The following NR6A1 variants were observed in gnomAD, a reference collection of about 807,000 sequenced individuals.
The protein encoded by NR6A1 is nuclear receptor subfamily 6 group A member 1, also known as retinoic acid receptor-related testis-associated receptor.
In NR6A1, 7 loss-of-function variants were observed where a neutral mutation model predicts 59.1. The observed-to-expected ratio is 0.12, with a 90% CI of 0.07 to 0.22. The LOEUF (loss-of-function observed/expected upper bound fraction) is 0.22. Ranked by LOEUF, NR6A1 falls within the 10% of genes least tolerant of loss-of-function variation. The pLI, the probability that NR6A1 is intolerant of heterozygous loss-of-function variation, is 1.00. For synonymous variants in NR6A1, 243 were observed against 236.1 expected (o/e 1.03, Z -0.27); for missense variants, 468 against 611.6 (o/e 0.77, Z 2.48).
Position 124,524,816 on chromosome 9 carries a change from T to G in NR6A1, c.1259A>C (p.Tyr420Ser), listed in dbSNP as rs1313197264. The part of the protein sequence containing the change: ...QLEQLNKRYW[Y>S]ICQDFTEYKY... ...ATATTCAGTAAAATCCTGGCAAATG[T>G]ACCAGTATCGTTTATTCAATTGTTC... is the stretch of plus-strand genomic sequence containing the variant. The change falls in exon 9 of 10, where the codon TAC (tyrosine) becomes TCC (serine). Residue 420 changes from tyrosine to serine, a missense_variant. By Grantham distance (144) the Tyr-to-Ser change is moderately radical (BLOSUM62 -2). Around this residue, in one of 4 missense-constraint regions of NR6A1, gnomAD observed 176 missense variants for 264.0 expected, o/e 0.67. Coordinates refer to ENST00000487099, the MANE Select transcript of NR6A1 (RefSeq NM_033334.4). 2 of 1,613,856 alleles carry G rather than the reference T, an allele frequency of 1.2e-6. No homozygotes were observed.
chr9:124,744,541 C>T (rs1248342253), intron 1 of NR6A1, among the ~76,000 whole-genome samples: 1 of 152,194 alleles, frequency 6.6e-6, no homozygotes. Context: ...TGTTCTGCAA[C>T]AGCCGGATGG....
chr9:124,549,923 C>T (rs1330558089), intron 3 of NR6A1, among the ~76,000 whole-genome samples: 1 of 152,232 alleles, frequency 6.6e-6, no homozygotes, highest in Non-Finnish European at 1.5e-5. Context: ...GCCCACATTG[C>T]ATTTAGCTGT....
intron 2 of NR6A1, among the ~76,000 whole-genome samples, chr9:124,693,413 A>G (rs933575423): frequency 1.9e-4 from 29 of 152,226 alleles, no homozygotes; most frequent in Non-Finnish European, 7.3e-5. Context: ...CAAAGAGGAA[A>G]AGCAGGTCCC....
chr9:124,669,048 C>G (rs891370729), intron 2 of NR6A1, among the ~76,000 whole-genome samples: 1 of 151,970 alleles, frequency 6.6e-6, no homozygotes, highest in Non-Finnish European at 1.5e-5. Context: ...TATTGAAAAC[C>G]CTCTAACAGG....
intron 2 of NR6A1, chr9:124,595,645 AAC>A: frequency 2.0e-6 from 1 of 497,208 alleles, no homozygotes; most frequent in Non-Finnish European, 3.7e-6. Context: ...ACACAAAAAA[AAC>A]AGTTGCCTGT....
At chr9:124,681,333 T>C (rs1838148381) in intron 2 of NR6A1, among the ~76,000 whole-genome samples, 1 of 150,694 alleles carries the variant, frequency 6.6e-6, no homozygotes, top group Non-Finnish European at 1.5e-5. Flanking sequence ...ATGATAACAT[T>C]TGAGCTTTTT....
chr9:124,536,964 G>A (rs1833286022), intron 6 of NR6A1, among the ~76,000 whole-genome samples: 1 of 152,256 alleles, frequency 6.6e-6, no homozygotes, highest in Middle Eastern at 3.4e-3. Context: ...AGCTAAAACT[G>A]GAATAAAAGC....
intron 1 of NR6A1, among the ~76,000 whole-genome samples, chr9:124,753,581 A>G (rs1840562542): frequency 6.6e-6 from 1 of 152,238 alleles, no homozygotes; most frequent in African/African-American, 2.4e-5. Context: ...TTACTCATCT[A>G]TAATAAGGGA....
At chr9:124,737,843 G>A (rs868532171) in intron 1 of NR6A1, among the ~76,000 whole-genome samples, 2 of 151,658 alleles carry the variant, frequency 1.3e-5, no homozygotes, top group African/African-American at 4.8e-5. Context: ...CCAGCCTGGG[G>A]GAAAGAGCAA....
chr9:124,674,501 T>C (rs1185053747), intron 2 of NR6A1, among the ~76,000 whole-genome samples: 1 of 152,216 alleles, frequency 6.6e-6, no homozygotes, highest in Non-Finnish European at 1.5e-5. Flanking sequence ...TCTATCTTAC[T>C]GGGTTGTTAT....
intron 2 of NR6A1, among the ~76,000 whole-genome samples, chr9:124,573,270 T>G (rs1173507172): frequency 6.6e-6 from 1 of 152,144 alleles, no homozygotes; most frequent in African/African-American, 2.4e-5. Flanking sequence ...TGGGTAAAAT[T>G]TCAGTGCTTC....
Position 124,704,605 on chromosome 9 carries a change from C to T in NR6A1, c.142+28703G>A, listed in dbSNP as rs112103159. Among the ~76,000 whole-genome samples, 1,254 of 152,244 alleles carry T rather than the reference C, an allele frequency of 8.2e-3. 16 individuals carry two copies. Among genetic ancestry groups the T allele is most frequent in the African/African-American group, 0.029 (1,196 of 41,534 alleles). ...GTTTTATCTAGTTTCTTACAATGGA[C>T]GCTTACGTTAGTGCTTTAAGCCTCT... On this transcript the variant is annotated intron_variant, in intron 2 of 9. Coordinates refer to ENST00000487099, the MANE Select transcript of NR6A1 (RefSeq NM_033334.4).
chr9:124,627,796 C>G (rs2130873360), intron 2 of NR6A1, among the ~76,000 whole-genome samples: 1 of 151,726 alleles, frequency 6.6e-6, no homozygotes, highest in Middle Eastern at 3.4e-3. Context: ...TGGTCTCGAA[C>G]TCCTGGACTC....
rs78903966 is a variant in NR6A1 at position 124,769,160 on chromosome 9, T to C, written c.100+1860A>G. Among the ~76,000 whole-genome samples the C allele has an allele frequency of 1.8e-3, 267 of 152,152 alleles. 6 individuals carry two copies. In the East Asian group the frequency reaches 0.047, roughly 27 times the overall value. On this transcript the variant is annotated intron_variant, in intron 1 of 9. Transcript: ENST00000487099. ...TCCCCCTTTGTGACACGGAATTTTA[T>C]TGATCTCAAACATGTTCACATTCAG...
intron 2 of NR6A1, among the ~76,000 whole-genome samples, chr9:124,698,869 C>G (rs1233906881): frequency 6.6e-6 from 1 of 152,158 alleles, no homozygotes; most frequent in Non-Finnish European, 1.5e-5. Flanking sequence ...AGCCCAACTT[C>G]CCTTCCTGTT....
chr9:124,614,023 T>TA, intron 2 of NR6A1, among the ~76,000 whole-genome samples: 1 of 151,942 alleles, frequency 6.6e-6, no homozygotes, highest in Admixed American at 6.6e-5. Context: ...AGGAAACAAA[T>TA]AAGGGAAGTC....
intron 6 of NR6A1, among the ~76,000 whole-genome samples, chr9:124,537,065 TCTAAA>T (rs1208566846): frequency 7.6e-4 from 111 of 146,054 alleles, no homozygotes; most frequent in African/African-American, 2.9e-3. Context: ...CACTCCCACA[TCTAAA>T]TTTTTTTTTT....
At chr9:124,534,910 G>A (rs1462104731) in intron 7 of NR6A1, among the ~76,000 whole-genome samples, 1 of 151,880 alleles carries the variant, frequency 6.6e-6, no homozygotes. Flanking sequence ...GGATCATGAG[G>A]TCGGGAGGCC....
At chr9:124,560,638 G>A (rs1170730125) in intron 2 of NR6A1, among the ~76,000 whole-genome samples, 1 of 152,100 alleles carries the variant, frequency 6.6e-6, no homozygotes, top group Non-Finnish European at 1.5e-5. Flanking sequence ...TCGGCTCACT[G>A]CAACCTCCGC....
Sources: gnomAD v4.1 joint callset for allele counts (sites outside exome capture counted in the v4.1 genomes callset) on GRCh38, gnomAD v4.1.1 for gene constraint, gnomAD v4.1.1 regional missense constraint, MANE v1.5 for transcripts, NCBI Gene and HGNC (gene_info 2026-07-23, HGNC 2026-07-21) for gene names.